COL8A1: variants seen among roughly 807,000 people sequenced by gnomAD.
The protein encoded by COL8A1 is collagen type VIII alpha 1 chain, also known as collagen alpha-1(VIII) chain.
Under a neutral mutation model 42.7 loss-of-function variants are expected in COL8A1, and 21 were observed. The observed-to-expected ratio is 0.49, with a 90% confidence interval of 0.35 to 0.71. The LOEUF is 0.71. Among genes scored for constraint, COL8A1 ranks in the 30% least tolerant of loss-of-function variants. The probability of loss-of-function intolerance (pLI) is 0.01; values close to 1 mark genes in which losing one functional copy is unlikely to be tolerated. For missense variants in COL8A1, 788 were observed against 962.4 expected (o/e 0.82, Z 2.40); for synonymous variants, 367 against 369.1 (o/e 0.99, Z 0.06).
chr3:99,789,599 G>A (rs546766699), intron 2 of COL8A1, among the ~76,000 whole-genome samples: 2 of 152,250 alleles, frequency 1.3e-5, no homozygotes, highest in African/African-American at 4.8e-5. Flanking sequence ...GGGCTGTCTG[G>A]TTTTAAGCCT....
chr3:99,713,707 T>C (rs568262346), intron 1 of COL8A1, among the ~76,000 whole-genome samples: 54 of 152,196 alleles, frequency 3.5e-4, no homozygotes, highest in African/African-American at 1.1e-3. Flanking sequence ...GGAGCAGTGG[T>C]ATTGTTTCAA....
At chr3:99,741,211 T>C (rs930268585) in intron 1 of COL8A1, among the ~76,000 whole-genome samples, 1 of 152,228 alleles carries the variant, frequency 6.6e-6, no homozygotes, top group Non-Finnish European at 1.5e-5. Context: ...CTAATATGTT[T>C]ATTAGCTTTT....
intron 2 of COL8A1, among the ~76,000 whole-genome samples, chr3:99,785,194 CATT>C (rs1199359867): frequency 6.6e-6 from 1 of 152,174 alleles, no homozygotes; most frequent in African/African-American, 2.4e-5. Context: ...ATGTTCCCAT[CATT>C]ATTAATATCC....
At chr3:99,685,332 T>A (rs1237052012) in intron 1 of COL8A1, 1 of 152,228 alleles carries the variant, frequency 6.6e-6, no homozygotes, top group Admixed American at 6.5e-5. Context: ...CTACTTTTAA[T>A]TTTCTATGTA....
At chr3:99,785,156 T>C (rs942491153) in intron 2 of COL8A1, among the ~76,000 whole-genome samples, 1 of 152,180 alleles carries the variant, frequency 6.6e-6, no homozygotes, top group African/African-American at 2.4e-5. Context: ...AGCAACAAAA[T>C]TGTACAAAAT....
chr3:99,644,609 A>G (rs1227810442), intron 1 of COL8A1, among the ~76,000 whole-genome samples: 1 of 152,200 alleles, frequency 6.6e-6, no homozygotes, highest in Non-Finnish European at 1.5e-5. Flanking sequence ...TCGATCTATT[A>G]TATGTTAAAT....
chr3:99,662,792 A>G (rs1938249045), intron 1 of COL8A1, among the ~76,000 whole-genome samples: 1 of 152,098 alleles, frequency 6.6e-6, no homozygotes, highest in Non-Finnish European at 1.5e-5. Context: ...TGGCTTGTAG[A>G]TAATGCATCA....
chr3:99,665,830 C>T (rs1225974339), intron 1 of COL8A1, among the ~76,000 whole-genome samples: 3 of 150,934 alleles, frequency 2.0e-5, no homozygotes, highest in Admixed American at 6.6e-5. Flanking sequence ...TACAGGTGCC[C>T]GCTGCCACAC....
rs766141769 is a variant in COL8A1, at chr3:99,795,972, G to A, written c.2071G>A (p.Glu691Lys). The stretch of plus-strand genomic sequence containing the variant: ...CGAGCCCGTGATGTACACGTACGAC[G>A]AGTACAAAAAGGGCTTCCTGGACCA... Reference protein sequence around the residue: ...NNEPVMYTYDEYKKGFLDQAS... With the variant: ...NNEPVMYTYDKYKKGFLDQAS... The change falls in exon 4 of 4, where the codon GAG (glutamate) becomes AAG (lysine). Residue 691 changes from glutamate (E) to lysine (K), a missense_variant. Glu to Lys is a moderately conservative substitution (Grantham distance 56). Around this residue, in one of 4 missense-constraint regions of COL8A1, gnomAD observed 212 missense variants for 210.9 expected, o/e 1.00. Transcript: ENST00000652472. The A allele has an allele frequency of 4.3e-6, 7 of 1,614,054 alleles. No individual in the cohort carries two copies. The Admixed American group carries it at 5.0e-5, about 12-fold the overall frequency.
At chr3:99,693,543 G>C (rs1036696880) in intron 1 of COL8A1, among the ~76,000 whole-genome samples, 1 of 152,068 alleles carries the variant, frequency 6.6e-6, no homozygotes, top group Non-Finnish European at 1.5e-5. Flanking sequence ...CAAAAGAAAA[G>C]TCTAAAAAGT....
Position 99,795,664 on chromosome 3 carries a change from T to C in COL8A1, c.1763T>C (p.Met588Thr). 6.2e-7 allele frequency: 1 copy of C among 1,613,670 alleles called. No individual in the cohort carries two copies. The highest frequency in any genetic ancestry group is 1.3e-5 in the African/African-American group (1 of 74,828). The stretch of plus-strand genomic sequence containing the variant: ...CCCCAGGGAGAGTATCTGCCAGATA[T>C]GGGGCTGGGAATTGATGGCGTGAAA... The part of the protein sequence containing the change: ...PPPQGEYLPD[M>T]GLGIDGVKPP... Residue 588 changes from methionine (M) to threonine (T), a missense_variant, in exon 4 of 4, where the codon ATG (methionine) becomes ACG (threonine). Coordinates refer to ENST00000652472, the MANE Select transcript of COL8A1 (RefSeq NM_020351.4).
At chr3:99,700,709 C>T (rs1467426351) in intron 1 of COL8A1, among the ~76,000 whole-genome samples, 1 of 152,118 alleles carries the variant, frequency 6.6e-6, no homozygotes, top group Non-Finnish European at 1.5e-5. Context: ...TTTGAAATTT[C>T]TTAAATCAGC....
chr3:99,747,902 A>T (rs888293229), intron 2 of COL8A1, among the ~76,000 whole-genome samples: 28 of 152,334 alleles, frequency 1.8e-4, no homozygotes, highest in African/African-American at 6.0e-4. Context: ...TGGAAGTCAG[A>T]AGCCCCAGAT....
At chr3:99,663,595 G>A (rs992941359) in intron 1 of COL8A1, among the ~76,000 whole-genome samples, 2 of 151,914 alleles carry the variant, frequency 1.3e-5, no homozygotes, top group African/African-American at 4.8e-5. Flanking sequence ...CTAACTCTTT[G>A]ACCTTTAAAT....
chr3:99,793,436 TAC>T (rs66839546), intron 3 of COL8A1, among the ~76,000 whole-genome samples: 33,326 of 148,940 alleles, frequency 0.22, 4,861 homozygotes, highest in African/African-American at 0.42. Flanking sequence ...TTGTTTAAAA[TAC>T]ACACACACAC....
intron 1 of COL8A1, among the ~76,000 whole-genome samples, chr3:99,697,085 C>T (rs1939396832): frequency 6.9e-6 from 1 of 144,902 alleles, no homozygotes; most frequent in Non-Finnish European, 1.5e-5. Flanking sequence ...CTCCCGGGTT[C>T]ACGCCATTCT....
intron 2 of COL8A1, among the ~76,000 whole-genome samples, chr3:99,752,938 G>A (rs187054667): frequency 1.3e-5 from 2 of 152,214 alleles, no homozygotes; most frequent in Admixed American, 1.3e-4. Flanking sequence ...CACCAGCCCT[G>A]GAGCCCGGCT....
At chr3:99,696,151 C>T (rs1004604775) in intron 1 of COL8A1, among the ~76,000 whole-genome samples, 11 of 152,034 alleles carry the variant, frequency 7.2e-5, no homozygotes, top group African/African-American at 2.2e-4. Context: ...ATTAAAAAAA[C>T]AAAGTAAGGA....
chr3:99,736,514 G>A (rs1265898731), intron 1 of COL8A1, among the ~76,000 whole-genome samples: 4 of 152,120 alleles, frequency 2.6e-5, no homozygotes, highest in African/African-American at 9.7e-5. Flanking sequence ...GGAGCAGGTT[G>A]TTCAGTTTCC....
Sources: gnomAD v4.1 joint callset for allele counts (sites outside exome capture counted in the v4.1 genomes callset) on GRCh38, gnomAD v4.1.1 for gene constraint, gnomAD v4.1.1 regional missense constraint, MANE v1.5 for transcripts, NCBI Gene and HGNC (gene_info 2026-07-23, HGNC 2026-07-21) for gene names.